TRHDE: variants seen among roughly 807,000 people sequenced by gnomAD.
TRHDE encodes thyrotropin releasing hormone degrading enzyme.
Under a neutral mutation model 125.7 loss-of-function variants are expected in TRHDE, and 72 were observed. The observed-to-expected ratio is 0.57, with a 90% confidence interval of 0.47 to 0.70. The LOEUF (loss-of-function observed/expected upper bound fraction) is 0.70. Among genes scored for constraint, TRHDE ranks in the 30% least tolerant of loss-of-function variants. TRHDE has a pLI of 0.00. For synonymous variants in TRHDE, 509 were observed against 509.1 expected (o/e 1.00, Z 0.00); for missense variants, 1,110 against 1,327.1 (o/e 0.84, Z 2.54).
At chr12:72,411,328 C>T (rs1456809686) in intron 3 of TRHDE, among the ~76,000 whole-genome samples, 2 of 150,942 alleles carry the variant, frequency 1.3e-5, no homozygotes, top group Non-Finnish European at 2.9e-5. Flanking sequence ...TATTAATATA[C>T]AGTAATGAAT....
At chr12:72,151,882 C>CT (rs1417442730) in intron 2 of TRHDE, among the ~76,000 whole-genome samples, 1 of 151,994 alleles carries the variant, frequency 6.6e-6, no homozygotes, top group Non-Finnish European at 1.5e-5. Context: ...AATGCAGGCT[C>CT]TTTTTTGGTT....
At chr12:72,635,821 A>T (rs1263858752) in intron 15 of TRHDE, among the ~76,000 whole-genome samples, 1 of 148,828 alleles carries the variant, frequency 6.7e-6, no homozygotes, top group African/African-American at 2.5e-5. Flanking sequence ...GTAGATATGC[A>T]GCATTATTTC....
intron 2 of TRHDE, among the ~76,000 whole-genome samples, chr12:72,238,381 A>AT (rs71457042): frequency 7.3e-5 from 6 of 82,532 alleles, no homozygotes; most frequent in African/African-American, 2.6e-4. Context: ...ATATATATAT[A>AT]TTTTTTTTTA....
In TRHDE at chr12:72,537,407, G is replaced by A. The variant is rs1826204; in HGVS notation, c.1723-4884G>A. Reference sequence around the variant, plus strand: ...CATACTGTTACTCATGATAGTAATCGAATTCACATGAGATCTGATGGTTTC... The same window carrying A: ...CATACTGTTACTCATGATAGTAATCAAATTCACATGAGATCTGATGGTTTC... On this transcript the variant is annotated intron_variant, in intron 6 of 18. Transcript: ENST00000261180. Among the ~76,000 whole-genome samples the A allele has an allele frequency of 5.3e-4, 81 of 152,026 alleles. 2 individuals carry two copies. In the South Asian group the frequency reaches 0.013, roughly 25 times the overall value.
intron 2 of TRHDE, among the ~76,000 whole-genome samples, chr12:72,202,290 A>G (rs1877575479): frequency 6.6e-6 from 1 of 152,172 alleles, no homozygotes; most frequent in Admixed American, 6.5e-5. Flanking sequence ...TGAGGAAAGG[A>G]GAGTAAGGTC....
chr12:72,473,008 T>TA, intron 4 of TRHDE, 59 bp from the exon 5 acceptor site: 1 of 1,277,394 alleles, frequency 7.8e-7, no homozygotes, highest in South Asian at 1.2e-5. Context: ...TAATTTTAGA[T>TA]AAAATAGTTT....
At chr12:72,451,227 C>A (rs1269628328) in intron 3 of TRHDE, among the ~76,000 whole-genome samples, 1 of 152,050 alleles carries the variant, frequency 6.6e-6, no homozygotes. Context: ...CTTTTCTCCT[C>A]TGTTTTCTTC....
chr12:72,276,917 A>T (rs557940088), intron 1 of TRHDE, among the ~76,000 whole-genome samples: 7 of 152,316 alleles, frequency 4.6e-5, no homozygotes, highest in Admixed American at 4.6e-4. Context: ...GAATTAGGTA[A>T]AATGTCCGTT....
intron 15 of TRHDE, among the ~76,000 whole-genome samples, chr12:72,634,216 T>C (rs907813024): frequency 6.6e-6 from 1 of 152,064 alleles, no homozygotes; most frequent in African/African-American, 2.4e-5. Flanking sequence ...CAGCATTAGG[T>C]TCTATTCACA....
chr12:72,483,794 T>C (rs1285342291), intron 5 of TRHDE, among the ~76,000 whole-genome samples: 1 of 152,052 alleles, frequency 6.6e-6, no homozygotes, highest in East Asian at 1.9e-4. Context: ...AGACTTCTTA[T>C]TATCTGACAA....
At chr12:72,335,985 T>C (rs931452816) in intron 2 of TRHDE, among the ~76,000 whole-genome samples, 1 of 152,186 alleles carries the variant, frequency 6.6e-6, no homozygotes, top group Non-Finnish European at 1.5e-5. Context: ...AAATTTAAGA[T>C]GATTTTTGTT....
intron 10 of TRHDE, among the ~76,000 whole-genome samples, chr12:72,575,009 G>T (rs1323929626): frequency 6.6e-6 from 1 of 152,068 alleles, no homozygotes; most frequent in African/African-American, 2.4e-5. Context: ...AAGTAATGGG[G>T]TTTTGTCAAG....
At chr12:72,635,361 C>T (rs1360650541) in intron 15 of TRHDE, among the ~76,000 whole-genome samples, 1 of 151,866 alleles carries the variant, frequency 6.6e-6, no homozygotes, top group Non-Finnish European at 1.5e-5. Flanking sequence ...TTGTTTTTTT[C>T]TTGTAAATTT....
At chr12:72,310,129 T>A (rs1262202362) in intron 2 of TRHDE, among the ~76,000 whole-genome samples, 1 of 152,214 alleles carries the variant, frequency 6.6e-6, no homozygotes, top group Non-Finnish European at 1.5e-5. Flanking sequence ...TCTGGAGCCC[T>A]ATTGCCTGTG....
At chr12:72,472,591 A>G (rs1876700111) in intron 4 of TRHDE, among the ~76,000 whole-genome samples, 2 of 152,128 alleles carry the variant, frequency 1.3e-5, no homozygotes, top group Admixed American at 1.3e-4. Context: ...TGAACTGCTC[A>G]CTACCTTTCA....
At chr12:72,536,513 T>C (rs1239281833) in intron 6 of TRHDE, among the ~76,000 whole-genome samples, 2 of 152,038 alleles carry the variant, frequency 1.3e-5, no homozygotes, top group South Asian at 4.1e-4. Context: ...GAGTTATCCA[T>C]TGGTGGAGTC....
intron 2 of TRHDE, among the ~76,000 whole-genome samples, chr12:72,338,133 G>A (rs1401851787): frequency 6.6e-6 from 1 of 152,190 alleles, no homozygotes. Context: ...GGAAAGAAAT[G>A]CTTTTTCTTT....
At chr12:72,108,656 C>T (rs373898067) in intron 2 of TRHDE, among the ~76,000 whole-genome samples, 28 of 152,144 alleles carry the variant, frequency 1.8e-4, no homozygotes, top group Admixed American at 1.3e-3. Context: ...CAGGTATTTG[C>T]GAGAACCTGG....
At chr12:72,396,448 T>C (rs1872793151) in intron 3 of TRHDE, among the ~76,000 whole-genome samples, 1 of 152,108 alleles carries the variant, frequency 6.6e-6, no homozygotes, top group Non-Finnish European at 1.5e-5. Context: ...ACTCACTCTT[T>C]CAAGACTTTA....
Sources: gnomAD v4.1 joint callset for allele counts (sites outside exome capture counted in the v4.1 genomes callset) on GRCh38, gnomAD v4.1.1 for gene constraint, MANE v1.5 for transcripts, NCBI Gene and HGNC (gene_info 2026-07-23, HGNC 2026-07-21) for gene names.